The following DLC1 variants were observed in gnomAD, a reference collection of about 807,000 sequenced individuals.
DLC1 encodes DLC1 Rho GTPase activating protein, also known as rho GTPase-activating protein 7.
DLC1 carries 54 observed loss-of-function variants against 140.3 expected under a neutral mutation model. The observed-to-expected ratio is 0.38, with a 90% CI of 0.31 to 0.48. The LOEUF is 0.48. Among genes scored for constraint, DLC1 ranks in the 20% least tolerant of loss-of-function variants. DLC1 has a pLI of 0.96. For synonymous variants in DLC1, 986 were observed against 728.1 expected (o/e 1.35, Z -5.70); for missense variants, 2,536 against 1,907.0 (o/e 1.33, Z -6.14).
chr8:13,499,804 T>A lies in DLC1; in HGVS notation c.268A>T (p.Ser90Cys), dbSNP rs1170126194. Reference protein sequence around the residue: ...HLSKDVDENDSHEGEDQFLSL... With the variant: ...HLSKDVDENDCHEGEDQFLSL... ...AGAAACTGATCTTCACCTTCATGGC[T>A]GTCATTTTCGTCCACATCCTTTGAA... is the stretch of plus-strand genomic sequence containing the variant. Residue 90 changes from serine to cysteine, a missense_variant, in exon 2 of 18, where the codon AGC becomes TGC. Transcript: ENST00000276297. 6.2e-7 allele frequency: 1 copy of A among 1,614,096 alleles called. No homozygotes were observed. Among genetic ancestry groups the A allele is most frequent in the Admixed American group, 1.7e-5 (1 of 60,034 alleles).
At chr8:13,523,050 T>G (rs1042906175) in intron 1 of DLC1, among the ~76,000 whole-genome samples, 1 of 152,208 alleles carries the variant, frequency 6.6e-6, no homozygotes, top group South Asian at 2.1e-4. Flanking sequence ...GTCTTGTAAG[T>G]AAGCAGTTTC....
intron 4 of DLC1, among the ~76,000 whole-genome samples, chr8:13,311,203 A>G (rs1235887253): frequency 6.6e-6 from 1 of 152,160 alleles, no homozygotes; most frequent in Non-Finnish European, 1.5e-5. Context: ...GGACGTTGAG[A>G]CCCAGACAGG....
rs1196984837 is a variant in DLC1, at chr8:13,177,599, C to T, written c.1349-61942G>A. On this transcript the variant is annotated intron_variant, in intron 5 of 17. Coordinates refer to ENST00000276297, the MANE Select transcript of DLC1 (RefSeq NM_182643.3). ...ATGCATTACAAAACAACCACTCTAT[C>T]GAGTGGAATTTGAAGGACATAACAT... Among the ~76,000 whole-genome samples, 9 of 152,260 alleles carry T rather than the reference C, an allele frequency of 5.9e-5. No homozygotes were observed. The South Asian group carries it at 6.2e-4, about 11-fold the overall frequency.
At chr8:13,142,832 C>T (rs1159563199) in intron 5 of DLC1, among the ~76,000 whole-genome samples, 2 of 152,060 alleles carry the variant, frequency 1.3e-5, no homozygotes, top group Non-Finnish European at 2.9e-5. Context: ...GGTGGATCAC[C>T]TGAGGTTGGG....
intron 7 of DLC1, among the ~76,000 whole-genome samples, chr8:13,105,944 G>A (rs1563609597): frequency 6.6e-6 from 1 of 152,188 alleles, no homozygotes; most frequent in African/African-American, 2.4e-5. Context: ...TATCCTAAGG[G>A]ATTCCTCACA....
chr8:13,495,002 A>G (rs1801437630), intron 2 of DLC1, among the ~76,000 whole-genome samples: 1 of 152,078 alleles, frequency 6.6e-6, no homozygotes, highest in Admixed American at 6.6e-5. Flanking sequence ...AGACCCTAAC[A>G]TTCATTTAAT....
intron 5 of DLC1, among the ~76,000 whole-genome samples, chr8:13,151,833 T>A (rs1823838802): frequency 6.6e-6 from 1 of 152,230 alleles, no homozygotes; most frequent in African/African-American, 2.4e-5. Flanking sequence ...CTTTAAAATT[T>A]TATACCATTT....
chr8:13,582,884 A>C (rs1805161503), intron 1 of DLC1, among the ~76,000 whole-genome samples: 1 of 48,208 alleles, frequency 2.1e-5, no homozygotes, highest in African/African-American at 1.4e-4. Context: ...TGGTCTATAT[A>C]TATATATATA....
chr8:13,171,542 C>T (rs908317494), intron 5 of DLC1, among the ~76,000 whole-genome samples: 4 of 152,098 alleles, frequency 2.6e-5, no homozygotes, highest in Non-Finnish European at 4.4e-5. Flanking sequence ...AGGTGCGTGC[C>T]ACCATGCCCC....
At chr8:13,584,421 A>G (rs1805231030) in intron 1 of DLC1, 1 of 152,730 alleles carries the variant, frequency 6.5e-6, no homozygotes, top group African/African-American at 2.4e-5. Context: ...CTCCTCATCT[A>G]TGGCAGTGTT....
Position 13,094,888 on chromosome 8 carries a change from T to C in DLC1, c.3397A>G (p.Ile1133Val), listed in dbSNP as rs192988550. 4 of 1,614,262 alleles carry C rather than the reference T, an allele frequency of 2.5e-6. No individual in the cohort carries two copies. The highest frequency in any genetic ancestry group is 2.2e-5 in the East Asian group (1 of 44,884). Residue 1133 changes from isoleucine to valine, a missense_variant, in exon 12 of 18, where the codon ATA becomes GTA. Transcript: ENST00000276297. ...QALRQMNEGA[I>V]DCVNYEGQSA... ...TGTCCTTCGTAGTTGACACAGTCTA[T>C]GGCACCTTCATTCATCTGGCGCAGA...
intron 2 of DLC1, among the ~76,000 whole-genome samples, chr8:13,466,196 G>T (rs547830729): frequency 6.6e-6 from 1 of 152,092 alleles, no homozygotes; most frequent in African/African-American, 2.4e-5. Context: ...AACACCCCGG[G>T]CCCCAATAAA....
At chr8:13,509,895 T>G (rs926788352) in intron 1 of DLC1, among the ~76,000 whole-genome samples, 2 of 152,094 alleles carry the variant, frequency 1.3e-5, no homozygotes, top group Admixed American at 6.6e-5. Flanking sequence ...AAAAAACTGT[T>G]GAGGGGAAAA....
intron 5 of DLC1, among the ~76,000 whole-genome samples, chr8:13,183,527 G>A (rs543448814): frequency 6.6e-6 from 1 of 152,060 alleles, no homozygotes. Flanking sequence ...TAGCATGAAG[G>A]GCTGTTGAAT....
At chr8:13,289,292 G>A (rs1831664554) in intron 5 of DLC1, among the ~76,000 whole-genome samples, 1 of 152,072 alleles carries the variant, frequency 6.6e-6, no homozygotes, top group African/African-American at 2.4e-5. Context: ...CTGAGTTCAA[G>A]CTATCTTCCT....
intron 1 of DLC1, among the ~76,000 whole-genome samples, chr8:13,595,334 T>G (rs971454051): frequency 6.6e-6 from 1 of 152,050 alleles, no homozygotes; most frequent in Non-Finnish European, 1.5e-5. Flanking sequence ...CATGAAAATG[T>G]GTGAACTGTC....
chr8:13,242,092 C>T (rs1405025112), intron 5 of DLC1, among the ~76,000 whole-genome samples: 1 of 152,136 alleles, frequency 6.6e-6, no homozygotes. Flanking sequence ...TCATGCACTC[C>T]AATATTACCA....
chr8:13,101,699 C>T (rs1327981033), intron 8 of DLC1, among the ~76,000 whole-genome samples: 1 of 152,136 alleles, frequency 6.6e-6, no homozygotes, highest in Non-Finnish European at 1.5e-5. Context: ...CACAGCTGAC[C>T]TGTGAAGTTT....
rs770281681 is a variant in DLC1 at position 13,401,492 on chromosome 8, G to C, written c.1151C>G (p.Thr384Arg). The C allele has an allele frequency of 6.2e-7, 1 of 1,612,618 alleles. No homozygotes were observed. The highest frequency in any genetic ancestry group is 1.1e-5 in the South Asian group (1 of 91,012). ...STSSSPSGTP[T>R]NLRRHVPDLE... ...CACAGGAACGTGCCGCCGCAGGTTTGTTGGTGTGCCTGATGGAGAGGAGCT... is the reference window on the plus strand; with the variant it reads ...CACAGGAACGTGCCGCCGCAGGTTTCTTGGTGTGCCTGATGGAGAGGAGCT... The change falls in exon 3 of 18, where the codon ACA becomes AGA. Residue 384 changes from threonine to arginine, a missense_variant. Transcript: ENST00000276297.
Sources: allele counts gnomAD v4.1 joint callset (sites outside exome capture counted in the v4.1 genomes callset), GRCh38; gene constraint gnomAD v4.1.1; transcripts MANE v1.5; gene names NCBI Gene and HGNC (gene_info 2026-07-23, HGNC 2026-07-21).